C5: variants seen among roughly 807,000 people sequenced by gnomAD.
C5 encodes C3 and PZP-like alpha-2-macroglobulin domain-containing protein 4.
A neutral mutation model predicts 218.8 loss-of-function variants in C5; 140 were observed. The observed-to-expected ratio is 0.64, with a 90% CI of 0.56 to 0.74. The LOEUF (loss-of-function observed/expected upper bound fraction) is 0.74, where lower values mean the gene tolerates loss of function less well. C5 is among the 30% of genes least tolerant of loss of function. The pLI is 0.00. For missense variants in C5, 1,700 were observed against 1,969.6 expected, an observed-to-expected ratio of 0.86 and a Z score of 2.59; for synonymous variants, 614 against 682.3, an observed-to-expected ratio of 0.90 and a Z score of 1.56.
intron 1 of C5, among the ~76,000 whole-genome samples, chr9:121,048,318 G>A (rs1296822798): frequency 1.3e-5 from 2 of 152,250 alleles, no homozygotes; most frequent in Non-Finnish European, 2.9e-5. Flanking sequence ...TACACAGCAG[G>A]AGGTGAGCAG....
At chr9:120,986,587 T>C in intron 25 of C5, among the ~76,000 whole-genome samples, 1 of 151,022 alleles carries the variant, frequency 6.6e-6, no homozygotes, top group African/African-American at 2.5e-5. Context: ...CTTGAAAGGC[T>C]CTGAGTGTTT....
intron 20 of C5, among the ~76,000 whole-genome samples, chr9:121,002,316 G>GTTTGTGTGTGTATATATATA (rs572345213): frequency 1.1e-5 from 1 of 87,406 alleles, no homozygotes. Flanking sequence ...ATATGTGTGT[G>GTTTGTGTGTGTATATATATA]TATATATATA....
chr9:121,020,475 T>C (rs1205772868), intron 11 of C5, among the ~76,000 whole-genome samples: 9 of 152,120 alleles, frequency 5.9e-5, no homozygotes, highest in African/African-American at 1.2e-4. Flanking sequence ...TCATGGTAAG[T>C]TGGGACTTCT....
chr9:120,982,502 TG>T (rs2047002419), intron 26 of C5, among the ~76,000 whole-genome samples, 152 bp downstream of exon 26: 1 of 152,266 alleles, frequency 6.6e-6, no homozygotes, highest in African/African-American at 2.4e-5. Flanking sequence ...TCAGATATTA[TG>T]GGAAAGACCT....
At chr9:120,991,760 T>C (rs958804133) in intron 22 of C5, among the ~76,000 whole-genome samples, 2 of 152,206 alleles carry the variant, frequency 1.3e-5, no homozygotes, top group Admixed American at 6.5e-5. Context: ...TTTAGCATAC[T>C]GGTATCAGAT....
At chr9:120,955,254 T>G (rs1387450365) in intron 39 of C5, among the ~76,000 whole-genome samples, 1 of 152,142 alleles carries the variant, frequency 6.6e-6, no homozygotes, top group Admixed American at 6.5e-5. Flanking sequence ...AATGAGGAGA[T>G]GAAGTATGCC....
chr9:120,977,035 G>T, intron 28 of C5, 130 bp from the exon 29 acceptor site: 1 of 762,008 alleles, frequency 1.3e-6, no homozygotes, highest in African/African-American at 1.7e-5. Flanking sequence ...GGAACTTCCT[G>T]AAGATGACCA....
rs767316313 is a variant in C5 at position 120,953,754 on chromosome 9, T to C, written c.4877A>G (p.Gln1626Arg). The C allele has an allele frequency of 1.9e-6, 3 of 1,614,160 alleles. No individual in the cohort carries two copies. The highest frequency in any genetic ancestry group is 2.5e-6 in the Non-Finnish European group (3 of 1,179,974). The change falls in exon 40 of 41, where the codon CAG becomes CGG. Residue 1626 changes from glutamine to arginine, a missense_variant. Coordinates refer to ENST00000223642, the MANE Select transcript of C5 (RefSeq NM_001735.3). ...CCTGAAACTGAAATTGTATTTTATCTGGAGGGCTTCTTTACCCATAATTAA... is the reference window on the plus strand; with the variant it reads ...CCTGAAACTGAAATTGTATTTTATCCGGAGGGCTTCTTTACCCATAATTAA... ...QYLIMGKEAL[Q>R]IKYNFSFRYI...
At chr9:120,959,011 C>G (rs910435641) in intron 38 of C5, among the ~76,000 whole-genome samples, 2 of 151,826 alleles carry the variant, frequency 1.3e-5, no homozygotes, top group South Asian at 2.1e-4. Context: ...GGTCTAGAAC[C>G]CCTGAGCTCA....
rs41311873 is a variant in C5, at chr9:120,990,583, T to C, written c.2941+608A>G. Among the ~76,000 whole-genome samples, 1,272 of 152,262 alleles carry C rather than the reference T, an allele frequency of 8.4e-3. 13 individuals are homozygous for C. The highest frequency in any genetic ancestry group is 0.029 in the African/African-American group (1,198 of 41,544). On this transcript the variant is annotated intron_variant, in intron 23 of 40. Transcript: ENST00000223642. Reference sequence around the variant, plus strand: ...GTAAGAGGAAGTTCTTCACCCCTTTTTGCCCTTTTGCCTTTCCACTTTCTG... The same window carrying C: ...GTAAGAGGAAGTTCTTCACCCCTTTCTGCCCTTTTGCCTTTCCACTTTCTG...
At chr9:121,044,467 C>A (rs1015709353) in intron 2 of C5, among the ~76,000 whole-genome samples, 1 of 151,966 alleles carries the variant, frequency 6.6e-6, no homozygotes, top group Non-Finnish European at 1.5e-5. Flanking sequence ...CAGAGCGAGA[C>A]CCTGTCTCAA....
intron 17 of C5, among the ~76,000 whole-genome samples, chr9:121,012,844 C>CA: frequency 6.6e-6 from 1 of 152,094 alleles, no homozygotes; most frequent in Admixed American, 6.5e-5. Flanking sequence ...AACTGTAATG[C>CA]AATGATAAGT....
At chr9:121,011,673 G>T (rs1193758115) in intron 17 of C5, among the ~76,000 whole-genome samples, 3 of 152,128 alleles carry the variant, frequency 2.0e-5, no homozygotes, top group Admixed American at 6.6e-5. Context: ...ATATCTGCAC[G>T]CCCATGTTTG....
chr9:121,002,324 A>ATGTG (rs1191415596), intron 20 of C5, among the ~76,000 whole-genome samples: 3 of 75,746 alleles, frequency 4.0e-5, no homozygotes, highest in African/African-American at 1.3e-4. Flanking sequence ...GTGTATATAT[A>ATGTG]TATATATATA....
At chr9:121,039,926 C>G (rs933569516) in intron 3 of C5, among the ~76,000 whole-genome samples, 1 of 152,170 alleles carries the variant, frequency 6.6e-6, no homozygotes, top group Non-Finnish European at 1.5e-5. Flanking sequence ...CATGAGCCAC[C>G]GCGCCCGGCC....
At chr9:121,066,690 CA>C in the C5 span, among the ~76,000 whole-genome samples, 46 of 143,994 alleles carry the variant, frequency 3.2e-4, no homozygotes, top group East Asian at 6.5e-3. Context: ...ACTAAAAATA[CA>C]AAAAAAAAAT....
At chr9:120,999,018 G>A (rs527722708) in intron 20 of C5, among the ~76,000 whole-genome samples, 3 of 152,272 alleles carry the variant, frequency 2.0e-5, no homozygotes, top group African/African-American at 7.2e-5. Flanking sequence ...ATCACCTGCG[G>A]CCAATGATTT....
the C5 span, among the ~76,000 whole-genome samples, chr9:121,059,720 A>G: frequency 1.3e-5 from 2 of 152,230 alleles, no homozygotes; most frequent in African/African-American, 4.8e-5. The surrounding 1 kb of genome is among the most constrained non-coding windows in gnomAD (Gnocchi z 4.1). Flanking sequence ...CATACAAGAC[A>G]TTGCTGTTTC....
intron 28 of C5, among the ~76,000 whole-genome samples, chr9:120,977,362 T>A (rs2046961304): frequency 6.6e-6 from 1 of 152,244 alleles, no homozygotes; most frequent in Non-Finnish European, 1.5e-5. Flanking sequence ...TCATTATGTA[T>A]ATGTAAATAT....
Sources: gnomAD v4.1 joint callset for allele counts (sites outside exome capture counted in the v4.1 genomes callset) on GRCh38, gnomAD v4.1.1 for gene constraint, Gnocchi (gnomAD v3.1) non-coding constraint, MANE v1.5 for transcripts, NCBI Gene and HGNC (gene_info 2026-07-23, HGNC 2026-07-21) for gene names.